Variants in JARID2 observed in about 807,000 individuals in gnomAD.
JARID2 encodes jumonji and AT-rich interaction domain containing 2.
In JARID2, 21 loss-of-function variants were observed where a neutral mutation model predicts 125.6. That is an observed-to-expected ratio of 0.17 (90% CI 0.12 to 0.24). The LOEUF is 0.24. JARID2 is among the 10% of genes least tolerant of loss of function. JARID2 has a pLI of 1.00. For missense variants in JARID2, 1,303 were observed against 1,639.6 expected (o/e 0.79, Z 3.55); for synonymous variants, 736 against 661.6 (o/e 1.11, Z -1.73).
At chr6:15,261,331 T>C (rs1759867403) in intron 1 of JARID2, among the ~76,000 whole-genome samples, 1 of 142,898 alleles carries the variant, frequency 7.0e-6, no homozygotes, top group Admixed American at 7.1e-5. Flanking sequence ...TTTTTTTTTT[T>C]TGAGACGGAG....
In JARID2 at chr6:15,520,396, T is replaced by G. The variant is rs1771776660; in HGVS notation, c.*145T>G. On this transcript the variant is annotated 3_prime_UTR_variant, in exon 18 of 18. Transcript: ENST00000341776. ...TGGTTTTAGAGAACTAATTTTGTTTTAGCATTAAACTGTTGAACTTTTTTT... is the reference window on the plus strand; with the variant it reads ...TGGTTTTAGAGAACTAATTTTGTTTGAGCATTAAACTGTTGAACTTTTTTT... The G allele has an allele frequency of 1.2e-5, 8 of 664,684 alleles. No homozygotes were observed. The highest frequency in any genetic ancestry group is 1.9e-5 in the Non-Finnish European group (8 of 425,494). The allele number at this position is 664,684 out of a possible 1,614,324, so 41.2% of individuals were successfully genotyped here. A position where few individuals can be genotyped will look rare whatever the true frequency, so the allele number is the denominator to read the frequency against.
chr6:15,492,173 G>C (rs1770182826), intron 6 of JARID2, among the ~76,000 whole-genome samples: 1 of 152,256 alleles, frequency 6.6e-6, no homozygotes, highest in Non-Finnish European at 1.5e-5. Flanking sequence ...GCTGGGTTGG[G>C]GGCTGGGGGC....
chr6:15,338,718 C>T (rs1762965089), intron 1 of JARID2, among the ~76,000 whole-genome samples: 1 of 152,140 alleles, frequency 6.6e-6, no homozygotes, highest in South Asian at 2.1e-4. Context: ...CAGCCTCTCA[C>T]TTGCTCCCTC....
intron 1 of JARID2, among the ~76,000 whole-genome samples, chr6:15,289,977 AT>A (rs1374468938): frequency 6.6e-6 from 1 of 152,210 alleles, no homozygotes; most frequent in Non-Finnish European, 1.5e-5. Context: ...AAGATTTTAA[AT>A]TTTTCTCAGA....
intron 1 of JARID2, among the ~76,000 whole-genome samples, chr6:15,333,032 C>T (rs964783141): frequency 5.7e-4 from 83 of 145,094 alleles, no homozygotes; most frequent in Admixed American, 3.7e-4. Context: ...CCCGGGTTCA[C>T]GCCATTCTCC....
chr6:15,516,714 C>G (rs577794167), intron 16 of JARID2, among the ~76,000 whole-genome samples: 1 of 152,272 alleles, frequency 6.6e-6, no homozygotes, highest in African/African-American at 2.4e-5. Flanking sequence ...GGGTGGCCGC[C>G]TAAGTTGGAG....
intron 7 of JARID2, among the ~76,000 whole-genome samples, chr6:15,500,532 C>T (rs367661962): frequency 6.6e-6 from 1 of 152,164 alleles, no homozygotes; most frequent in Admixed American, 6.5e-5. Context: ...CTAGTCTTCT[C>T]ATGACACCCG....
intron 4 of JARID2, among the ~76,000 whole-genome samples, chr6:15,460,116 C>G (rs1022557041): frequency 2.6e-5 from 4 of 152,156 alleles, no homozygotes; most frequent in Non-Finnish European, 5.9e-5. Flanking sequence ...GCTTGGTTTT[C>G]TCCTAGAGTC....
Position 15,468,741 on chromosome 6 carries a change from A to G in JARID2, c.670+23A>G, listed in dbSNP as rs112846696. The G allele has an allele frequency of 3.1e-5, 49 of 1,593,788 alleles. 3 individuals carry two copies. The African/African-American group carries it at 4.8e-4, about 15-fold the overall frequency. The stretch of plus-strand genomic sequence containing the variant: ...ATGGTAGGTCCACCGTTGAACTTGG[A>G]TAAGAAAAAATCTAAAGCTTTGGGT... On this transcript the variant is annotated intron_variant, in intron 5 of 17. Coordinates refer to ENST00000341776, the MANE Select transcript of JARID2 (RefSeq NM_004973.4).
intron 3 of JARID2, among the ~76,000 whole-genome samples, chr6:15,420,183 T>A (rs1264328262): frequency 6.6e-6 from 1 of 152,152 alleles, no homozygotes; most frequent in Non-Finnish European, 1.5e-5. Context: ...GGCGGGTGGA[T>A]CACCAGGTCA....
intron 1 of JARID2, among the ~76,000 whole-genome samples, chr6:15,250,484 C>T (rs1011988145): frequency 6.6e-6 from 1 of 152,104 alleles, no homozygotes; most frequent in Non-Finnish European, 1.5e-5. Flanking sequence ...AGTGGAAAAT[C>T]TTGCTCTGTG....
chr6:15,280,106 C>T (rs906755446), intron 1 of JARID2, among the ~76,000 whole-genome samples: 3 of 151,870 alleles, frequency 2.0e-5, no homozygotes, highest in Non-Finnish European at 2.9e-5. Context: ...CTGTCAAATC[C>T]GTGACTTTGG....
intron 1 of JARID2, among the ~76,000 whole-genome samples, chr6:15,330,230 G>T (rs1218002918): frequency 1.3e-5 from 2 of 152,194 alleles, no homozygotes; most frequent in Non-Finnish European, 2.9e-5. Flanking sequence ...TCACCATCTG[G>T]TATACAAAGC....
At chr6:15,402,209 A>G (rs1382392796) in intron 2 of JARID2, among the ~76,000 whole-genome samples, 1 of 152,208 alleles carries the variant, frequency 6.6e-6, no homozygotes, top group Non-Finnish European at 1.5e-5. Context: ...ATTTATCATT[A>G]CAGATTAGTA....
chr6:15,443,435 G>A (rs1767530994), intron 3 of JARID2, among the ~76,000 whole-genome samples: 1 of 152,056 alleles, frequency 6.6e-6, no homozygotes. Context: ...TGGATTTTTG[G>A]AATTGTGATA....
At chr6:15,434,107 G>C (rs903258938) in intron 3 of JARID2, among the ~76,000 whole-genome samples, 1 of 151,680 alleles carries the variant, frequency 6.6e-6, no homozygotes, top group African/African-American at 2.4e-5. Context: ...ACCTCCGTAA[G>C]TCTGTCTCCA....
chr6:15,325,781 G>A (rs1195125174), intron 1 of JARID2, among the ~76,000 whole-genome samples: 1 of 152,112 alleles, frequency 6.6e-6, no homozygotes, highest in African/African-American at 2.4e-5. Context: ...AGACATTATT[G>A]TCTTCATTTT....
At chr6:15,351,635 G>T (rs983468707) in intron 1 of JARID2, among the ~76,000 whole-genome samples, 3 of 152,190 alleles carry the variant, frequency 2.0e-5, no homozygotes, top group Non-Finnish European at 1.5e-5. Flanking sequence ...TGTTCTGGGA[G>T]CCAATCCTAT....
At chr6:15,327,155 C>T (rs1423598093) in intron 1 of JARID2, among the ~76,000 whole-genome samples, 2 of 152,070 alleles carry the variant, frequency 1.3e-5, no homozygotes, top group African/African-American at 4.8e-5. Context: ...TAGCCTCCTT[C>T]CTCCTTTTCT....
Sources: gnomAD v4.1 joint callset for allele counts (sites outside exome capture counted in the v4.1 genomes callset) on GRCh38, gnomAD v4.1.1 for gene constraint, MANE v1.5 for transcripts, NCBI Gene and HGNC (gene_info 2026-07-23, HGNC 2026-07-21) for gene names.